The following EXOC4 variants were observed in gnomAD, a reference collection of about 807,000 sequenced individuals.
EXOC4 encodes exocyst complex component 4.
A neutral mutation model predicts 107.2 loss-of-function variants in EXOC4; 71 were observed. That is an observed-to-expected ratio of 0.66 (90% CI 0.55 to 0.81). The LOEUF (loss-of-function observed/expected upper bound fraction) is 0.81, where lower values mean the gene tolerates loss of function less well. EXOC4 is among the 30% of genes least tolerant of loss of function. The pLI is 0.00. For synonymous variants in EXOC4, 456 were observed against 441.2 expected (o/e 1.03, Z -0.42); for missense variants, 1,108 against 1,189.6 (o/e 0.93, Z 1.01).
Position 134,064,573 on chromosome 7 carries a change from CACTT to C in EXOC4, c.*46_*49del. 7.6e-7 allele frequency: 1 copy of C among 1,323,336 alleles called. No homozygotes were observed. Among genetic ancestry groups the C allele is most frequent in the Non-Finnish European group, 1.0e-6 (1 of 960,300 alleles). The allele number at this position is 1,323,336 out of a possible 1,614,324, so 82.0% of individuals were successfully genotyped here. A position where few individuals can be genotyped will look rare whatever the true frequency, so the allele number is the denominator to read the frequency against. ...TGACGGGGGTCCCCTCAGTCACACT[CACTT>C]TTTTCCTTGGTATGTTATTGAGTAT... On this transcript the variant is annotated 3_prime_UTR_variant, in exon 18 of 18. Transcript: ENST00000253861.
At chr7:134,096,054 A>G in the EXOC4 span, among the ~76,000 whole-genome samples, 1 of 152,230 alleles carries the variant, frequency 6.6e-6, no homozygotes, top group Non-Finnish European at 1.5e-5. Context: ...TTTGCAAACT[A>G]TGCATCCAAC....
intron 10 of EXOC4, among the ~76,000 whole-genome samples, chr7:133,679,631 T>G (rs1445697833): frequency 1.3e-5 from 2 of 152,030 alleles, no homozygotes; most frequent in African/African-American, 4.8e-5. Flanking sequence ...TGGGGAGTGG[T>G]TTTAGCTACA....
rs1384165491 is a variant in EXOC4, at chr7:133,331,469, T to C, written c.763+14079T>C. 3.9e-4 allele frequency among the ~76,000 whole-genome samples: 53 copies of C among 137,292 alleles called. 2 individuals are homozygous for C. The highest frequency in any genetic ancestry group is 1.7e-3 in the East Asian group (8 of 4,758). 90.1% of individuals were successfully genotyped at this position (137,292 alleles called of 152,430 possible). Reference sequence around the variant, plus strand: ...TATCTTCTTTCTTTTTTCTTTTTTTTTTTTTTTTTTTTTTTGAGATGGAGT... The same window carrying C: ...TATCTTCTTTCTTTTTTCTTTTTTTCTTTTTTTTTTTTTTTGAGATGGAGT... On this transcript the variant is annotated intron_variant, in intron 5 of 17. Transcript: ENST00000253861.
rs776983866 is a variant in EXOC4, at chr7:133,917,574, T to C, written c.1872-9T>C. On this transcript the variant is annotated splice_polypyrimidine_tract_variant and intron_variant, in intron 12 of 17. Transcript: ENST00000253861. The stretch of plus-strand genomic sequence containing the variant: ...GCTACAGTGTCTCTTTTCTATTGGC[T>C]GTGTTTAGGGGTATTGTCCAGTCAG... 10 of 1,612,158 alleles carry C rather than the reference T, an allele frequency of 6.2e-6. No individual in the cohort carries two copies. Among genetic ancestry groups the C allele is most frequent in the Middle Eastern group, 3.3e-4 (2 of 6,052 alleles).
chr7:133,614,345 TGAATA>T (rs145216446), intron 9 of EXOC4, among the ~76,000 whole-genome samples: 1,987 of 152,222 alleles, frequency 0.013, 42 homozygotes, highest in African/African-American at 0.044. Context: ...TAAGAAGTCT[TGAATA>T]ACAAGAACCT....
At chr7:133,558,092 C>G (rs763567589) in intron 9 of EXOC4, among the ~76,000 whole-genome samples, 1 of 152,164 alleles carries the variant, frequency 6.6e-6, no homozygotes, top group African/African-American at 2.4e-5. Flanking sequence ...CTTAATTTAT[C>G]TGCTTTTTTA....
chr7:133,847,875 ATTTTTTTTTTTT>A (rs55923568), intron 11 of EXOC4, among the ~76,000 whole-genome samples: 24 of 85,036 alleles, frequency 2.8e-4, no homozygotes, highest in African/African-American at 1.2e-3. Context: ...TGCCCAGCTA[ATTTTTTTTTTTT>A]TTTTTTTTTT....
intron 7 of EXOC4, among the ~76,000 whole-genome samples, chr7:133,415,598 C>G (rs890153512): frequency 6.6e-6 from 1 of 151,926 alleles, no homozygotes; most frequent in Admixed American, 6.6e-5. Flanking sequence ...TATTGTTTCT[C>G]GATACACACA....
chr7:133,397,703 T>C (rs1467731461), intron 7 of EXOC4, among the ~76,000 whole-genome samples: 1 of 152,158 alleles, frequency 6.6e-6, no homozygotes, highest in Admixed American at 6.5e-5. Context: ...CTCTGAGCAT[T>C]TGTACTTGCC....
chr7:134,037,144 A>G (rs1440853418), intron 17 of EXOC4, among the ~76,000 whole-genome samples: 2 of 152,162 alleles, frequency 1.3e-5, no homozygotes, highest in African/African-American at 2.4e-5. Flanking sequence ...TTAAACAGCA[A>G]TATAGTAACA....
At chr7:133,524,490 G>A (rs1223400454) in intron 9 of EXOC4, among the ~76,000 whole-genome samples, 12 of 127,172 alleles carry the variant, frequency 9.4e-5, no homozygotes, top group Non-Finnish European at 1.5e-4. Flanking sequence ...ATTGCTTTTG[G>A]TGTTTTAGAC....
rs140415221 is a variant in EXOC4 at position 133,301,939 on chromosome 7, C to T, written c.472-3938C>T. On this transcript the variant is annotated intron_variant, in intron 3 of 17. Transcript: ENST00000253861. ...AAGCGTGATTAAGATTGGCTAAAGA[C>T]AAGCATTAACTAGGAAATAATTATT... is the stretch of plus-strand genomic sequence containing the variant. 2.6e-3 allele frequency among the ~76,000 whole-genome samples: 395 copies of T among 152,202 alleles called. 1 individual carries two copies. The highest frequency in any genetic ancestry group is 3.7e-3 in the Non-Finnish European group (253 of 67,998).
chr7:133,607,863 T>C (rs1801984746), intron 9 of EXOC4, among the ~76,000 whole-genome samples: 1 of 151,940 alleles, frequency 6.6e-6, no homozygotes. Context: ...AAAAACAGAT[T>C]TCAGAAAAGC....
chr7:134,059,600 A>G (rs1469010595), intron 17 of EXOC4, among the ~76,000 whole-genome samples: 1 of 152,214 alleles, frequency 6.6e-6, no homozygotes, highest in Non-Finnish European at 1.5e-5. Context: ...AGCATTGTCA[A>G]GTGTCCTAAA....
intron 12 of EXOC4, among the ~76,000 whole-genome samples, chr7:133,902,866 C>CA (rs71162040): frequency 0.47 from 68,603 of 144,658 alleles, 16,921 homozygotes; most frequent in African/African-American, 0.65. Flanking sequence ...AAAAACAAAA[C>CA]AAAAAAAAAA....
chr7:133,307,175 T>A (rs2150569480), intron 4 of EXOC4, among the ~76,000 whole-genome samples: 1 of 152,252 alleles, frequency 6.6e-6, no homozygotes, highest in African/African-American at 2.4e-5. Context: ...AACGCCAAAT[T>A]TGCTTGTGAT....
chr7:133,333,244 T>G (rs1185751140), intron 5 of EXOC4, among the ~76,000 whole-genome samples: 1 of 152,202 alleles, frequency 6.6e-6, no homozygotes, highest in African/African-American at 2.4e-5. Flanking sequence ...CTGTCATTAT[T>G]TATCTTATTG....
intron 11 of EXOC4, among the ~76,000 whole-genome samples, chr7:133,867,952 G>A (rs1352706610): frequency 3.9e-5 from 6 of 152,182 alleles, no homozygotes; most frequent in African/African-American, 1.2e-4. Context: ...TTAAACCAGC[G>A]TGAATCTGAG....
chr7:133,367,051 G>A (rs1796263772), intron 6 of EXOC4, among the ~76,000 whole-genome samples: 1 of 152,144 alleles, frequency 6.6e-6, no homozygotes, highest in African/African-American at 2.4e-5. Flanking sequence ...GCTGGGGCAA[G>A]CATTACCATT....
Sources: gnomAD v4.1 joint callset for allele counts (sites outside exome capture counted in the v4.1 genomes callset) on GRCh38, gnomAD v4.1.1 for gene constraint, MANE v1.5 for transcripts, NCBI Gene and HGNC (gene_info 2026-07-23, HGNC 2026-07-21) for gene names.